The following FAT3 variants were observed in gnomAD, a reference collection of about 807,000 sequenced individuals.
FAT3 encodes FAT atypical cadherin 3.
A neutral mutation model predicts 310.2 loss-of-function variants in FAT3; 95 were observed. That is an observed-to-expected ratio of 0.31 (90% CI 0.26 to 0.36). The LOEUF (loss-of-function observed/expected upper bound fraction) is 0.36, where lower values mean the gene tolerates loss of function less well. Ranked by LOEUF, FAT3 falls within the 10% of genes least tolerant of loss-of-function variation. FAT3 has a pLI of 1.00. For synonymous variants in FAT3, 2,314 were observed against 2,192.9 expected, an observed-to-expected ratio of 1.06 and a Z score of -1.54; for missense variants, 5,408 against 5,715.6, an observed-to-expected ratio of 0.95 and a Z score of 1.74.
chr11:92,780,891 G>A (rs1018318142), intron 7 of FAT3, among the ~76,000 whole-genome samples: 3 of 151,982 alleles, frequency 2.0e-5, no homozygotes, highest in Non-Finnish European at 4.4e-5. Context: ...ATGAATTTTA[G>A]CACCTTTCCC....
intron 2 of FAT3, among the ~76,000 whole-genome samples, chr11:92,399,612 G>A (rs555911992): frequency 3.9e-5 from 6 of 152,272 alleles, no homozygotes; most frequent in East Asian, 3.9e-4. Context: ...GGTGGGAGCA[G>A]AAGAGGAAAT....
Position 92,831,366 on chromosome 11 carries a change from C to T in FAT3, c.9482-256C>T, listed in dbSNP as rs115075871. On this transcript the variant is annotated intron_variant, in intron 13 of 27. Transcript: ENST00000525166. ...GTTTTTCTTAAAGATTTGTGGGGGG[C>T]GAGTTGTATATTAAGAATATCCAAC... Among the ~76,000 whole-genome samples the T allele has an allele frequency of 6.4e-3, 977 of 152,180 alleles. 13 individuals carry two copies. Among genetic ancestry groups the T allele is most frequent in the African/African-American group, 0.022 (921 of 41,524 alleles).
chr11:92,281,970 A>G (rs1946435771), intron 1 of FAT3, among the ~76,000 whole-genome samples: 1 of 151,716 alleles, frequency 6.6e-6, no homozygotes, highest in East Asian at 1.9e-4. Flanking sequence ...CAGTGGTGTG[A>G]TCTTTGCTAA....
At chr11:92,318,381 A>G (rs970588772) in intron 1 of FAT3, among the ~76,000 whole-genome samples, 1 of 152,272 alleles carries the variant, frequency 6.6e-6, no homozygotes, top group East Asian at 1.9e-4. Flanking sequence ...TAGCTCATAC[A>G]GTTCTGGGGG....
At chr11:92,468,650 G>T (rs1258680534) in intron 2 of FAT3, among the ~76,000 whole-genome samples, 1 of 152,082 alleles carries the variant, frequency 6.6e-6, no homozygotes, top group Non-Finnish European at 1.5e-5. Context: ...ACATGGCTGG[G>T]GAGGCCTCAG....
chr11:92,688,377 G>C (rs922943341), intron 3 of FAT3, among the ~76,000 whole-genome samples: 1 of 152,134 alleles, frequency 6.6e-6, no homozygotes, highest in South Asian at 2.1e-4. Context: ...TCATAAAGTT[G>C]AGTGTTGTTC....
chr11:92,655,744 G>A (rs1305359833), intron 3 of FAT3, among the ~76,000 whole-genome samples: 1 of 152,002 alleles, frequency 6.6e-6, no homozygotes, highest in Non-Finnish European at 1.5e-5. Flanking sequence ...CCTGTATTCA[G>A]CTATTCAACG....
chr11:92,745,835 C>T (rs561729814), intron 4 of FAT3, among the ~76,000 whole-genome samples: 1 of 152,156 alleles, frequency 6.6e-6, no homozygotes, highest in Admixed American at 6.5e-5. Flanking sequence ...TTGTTGAGAA[C>T]CAACTATGTG....
chr11:92,265,817 A>C (rs1361793937), intron 1 of FAT3, among the ~76,000 whole-genome samples: 1 of 151,818 alleles, frequency 6.6e-6, no homozygotes, highest in African/African-American at 2.4e-5. Flanking sequence ...ATGAGACTCT[A>C]CCCTCATGAT....
At chr11:92,755,870 G>T (rs556046764) in intron 4 of FAT3, among the ~76,000 whole-genome samples, 36 of 152,204 alleles carry the variant, frequency 2.4e-4, no homozygotes, top group Non-Finnish European at 4.9e-4. Context: ...TTGGTTATTT[G>T]GTTGATCTCC....
rs1003216529 is a variant in FAT3 at position 92,298,699 on chromosome 11, A to G, written c.-17-53397A>G. 7.9e-5 allele frequency among the ~76,000 whole-genome samples: 12 copies of G among 151,928 alleles called. 1 individual carries two copies. The highest frequency in any genetic ancestry group is 3.3e-4 in the Admixed American group (5 of 15,238). On this transcript the variant is annotated intron_variant, in intron 1 of 27. Transcript: ENST00000525166. ...AAAGATGGTCGTTAATCAACTTCCA[A>G]TTTTTTTTCCTCCAGGCCAGGCAAC...
rs558492510 is a variant in FAT3 at position 92,895,918 on chromosome 11, C to G, written c.*4805C>G. On this transcript the variant is annotated 3_prime_UTR_variant, in exon 28 of 28. Transcript: ENST00000525166. Reference sequence around the variant, plus strand: ...GTTGGTCTGCAAACTTTTGAGGTAACTACACACACACACACACACACAAGG... The same window carrying G: ...GTTGGTCTGCAAACTTTTGAGGTAAGTACACACACACACACACACACAAGG... 11 of 108,260 alleles carry G rather than the reference C, an allele frequency of 1.0e-4. No individual in the cohort carries two copies. The East Asian group carries it at 2.2e-3, about 22-fold the overall frequency. 6.7% of individuals were successfully genotyped at this position (108,260 alleles called of 1,614,324 possible). A position where few individuals can be genotyped will look rare whatever the true frequency, so the allele number is the denominator to read the frequency against.
chr11:92,356,921 T>G (rs560248215), intron 2 of FAT3, among the ~76,000 whole-genome samples: 17 of 152,314 alleles, frequency 1.1e-4, no homozygotes, highest in African/African-American at 3.8e-4. Flanking sequence ...GTTTAAACTA[T>G]AACTTTTGTA....
At chr11:92,477,542 C>A (rs773532254) in intron 2 of FAT3, among the ~76,000 whole-genome samples, 3 of 152,180 alleles carry the variant, frequency 2.0e-5, no homozygotes, top group Non-Finnish European at 4.4e-5. Flanking sequence ...TATTATCTCA[C>A]TGGAATCAAC....
At chr11:92,341,375 A>G (rs920070423) in intron 1 of FAT3, among the ~76,000 whole-genome samples, 1 of 152,074 alleles carries the variant, frequency 6.6e-6, no homozygotes, top group Admixed American at 6.5e-5. Context: ...TGGTCATTGA[A>G]GGGGTGACCT....
Position 92,291,829 on chromosome 11 carries a change from C to G in FAT3, c.-17-60267C>G, listed in dbSNP as rs563514867. Among the ~76,000 whole-genome samples the G allele has an allele frequency of 2.1e-3, 327 of 152,200 alleles. 2 individuals are homozygous for G. The highest frequency in any genetic ancestry group is 7.3e-3 in the African/African-American group (302 of 41,566). ...TTATTGCCCTGGATCTTTGTGTGTT[C>G]TGCTTCCTGTCCTGTTAAAACTTGC... On this transcript the variant is annotated intron_variant, in intron 1 of 27. Transcript: ENST00000525166.
At chr11:92,539,136 T>C (rs2135406217) in intron 3 of FAT3, among the ~76,000 whole-genome samples, 1 of 152,310 alleles carries the variant, frequency 6.6e-6, no homozygotes, top group East Asian at 1.9e-4. Flanking sequence ...TTTTACTGAG[T>C]TAAATTGTTT....
At chr11:92,547,703 T>A (rs1379605227) in intron 3 of FAT3, among the ~76,000 whole-genome samples, 1 of 152,084 alleles carries the variant, frequency 6.6e-6, no homozygotes, top group Non-Finnish European at 1.5e-5. Flanking sequence ...GCTCTGTCCC[T>A]CATCAACAGC....
Position 92,895,272 on chromosome 11 carries a change from G to A in FAT3, c.*4159G>A, listed in dbSNP as rs1164128092. The A allele has an allele frequency of 1.3e-5, 2 of 152,216 alleles. No individual in the cohort carries two copies. Among genetic ancestry groups the A allele is most frequent in the Non-Finnish European group, 2.9e-5 (2 of 68,042 alleles). 9.4% of individuals were successfully genotyped at this position (152,216 alleles called of 1,614,324 possible). On this transcript the variant is annotated 3_prime_UTR_variant, in exon 28 of 28. Transcript: ENST00000525166. ...TGGTTATATGTTTTTGCTGGTTTGTGTCCCACAGTGTTCAACTGCACATTA... is the reference window on the plus strand; with the variant it reads ...TGGTTATATGTTTTTGCTGGTTTGTATCCCACAGTGTTCAACTGCACATTA...
Sources: allele counts gnomAD v4.1 joint callset (sites outside exome capture counted in the v4.1 genomes callset), GRCh38; gene constraint gnomAD v4.1.1; transcripts MANE v1.5; gene names NCBI Gene and HGNC (gene_info 2026-07-23, HGNC 2026-07-21).